Variants in SGMS1 observed in about 807,000 individuals in gnomAD.
SGMS1 encodes the protein sphingomyelin synthase 1, also known as phosphatidylcholine:ceramide cholinephosphotransferase 1.
In SGMS1, 13 loss-of-function variants were observed where a neutral mutation model predicts 46.2. That is an observed-to-expected ratio of 0.28 (90% CI 0.18 to 0.45). The LOEUF is 0.45. Ranked by LOEUF, SGMS1 falls within the 20% of genes least tolerant of loss-of-function variation. The pLI is 1.00. For missense variants in SGMS1, 324 were observed against 519.9 expected (o/e 0.62, Z 3.66); for synonymous variants, 203 against 187.8 (o/e 1.08, Z -0.66).
chr10:50,558,907 C>T (rs1030011368), intron 2 of SGMS1, among the ~76,000 whole-genome samples: 3 of 151,930 alleles, frequency 2.0e-5, no homozygotes, highest in Admixed American at 1.3e-4. Flanking sequence ...TTACATTTTC[C>T]GTAAGGTTTC....
intron 6 of SGMS1, among the ~76,000 whole-genome samples, chr10:50,414,310 G>A (rs1849138984): frequency 6.6e-6 from 1 of 152,218 alleles, no homozygotes; most frequent in African/African-American, 2.4e-5. Flanking sequence ...AGGCTGAGGT[G>A]GGAAGACTGC....
chr10:50,465,677 G>C (rs1027887251), intron 4 of SGMS1, among the ~76,000 whole-genome samples: 3 of 152,018 alleles, frequency 2.0e-5, no homozygotes, highest in Admixed American at 1.3e-4. Flanking sequence ...CCAACTAACA[G>C]ACTAAGAAAA....
intron 2 of SGMS1, among the ~76,000 whole-genome samples, chr10:50,524,412 G>C (rs527998962): frequency 1.4e-4 from 22 of 152,264 alleles, no homozygotes; most frequent in African/African-American, 5.3e-4. Context: ...TCCATCACTA[G>C]TGAAAAACTT....
intron 2 of SGMS1, among the ~76,000 whole-genome samples, chr10:50,532,918 C>T: frequency 6.6e-6 from 1 of 152,170 alleles, no homozygotes; most frequent in East Asian, 1.9e-4. Context: ...AGTGCAGTTA[C>T]TCGGTACCAA....
intron 1 of SGMS1, among the ~76,000 whole-genome samples, chr10:50,602,636 G>A (rs1490369461): frequency 6.6e-6 from 1 of 152,132 alleles, no homozygotes; most frequent in African/African-American, 2.4e-5. Flanking sequence ...CTGAAAATGT[G>A]ATGTTTATTT....
At chr10:50,576,707 T>C (rs1838388138) in intron 2 of SGMS1, among the ~76,000 whole-genome samples, 1 of 79,404 alleles carries the variant, frequency 1.3e-5, no homozygotes, top group African/African-American at 5.1e-5. Context: ...AAATCATCTA[T>C]GTCATAAGTG....
intron 9 of SGMS1, 36 bp downstream of exon 9, chr10:50,311,226 G>C: frequency 6.3e-7 from 1 of 1,594,466 alleles, no homozygotes; most frequent in Non-Finnish European, 8.6e-7. Context: ...AGAAATGGCA[G>C]GTGAGGAAAT....
intron 3 of SGMS1, among the ~76,000 whole-genome samples, chr10:50,482,300 CA>C (rs1385185157): frequency 6.6e-6 from 1 of 152,072 alleles, no homozygotes; most frequent in Non-Finnish European, 1.5e-5. Context: ...AAAGGGAAGC[CA>C]ATCAGACTAA....
At chr10:50,331,056 T>G (rs1029486042) in intron 7 of SGMS1, among the ~76,000 whole-genome samples, 2 of 152,188 alleles carry the variant, frequency 1.3e-5, no homozygotes, top group Non-Finnish European at 2.9e-5. Context: ...GAAATAGCAC[T>G]AAGAATGGGC....
chr10:50,311,745 T>C (rs1393447116), intron 8 of SGMS1, among the ~76,000 whole-genome samples: 1 of 152,230 alleles, frequency 6.6e-6, no homozygotes, highest in East Asian at 1.9e-4. Context: ...ATTGCTTTAG[T>C]ATAACTATCA....
rs10646459 is a variant in SGMS1, at chr10:50,380,378, C to CAAA, written c.-231-36036_-231-36034dup. 1.3e-3 allele frequency among the ~76,000 whole-genome samples: 161 copies of CAAA among 121,504 alleles called. 5 individuals are homozygous for CAAA. The highest frequency in any genetic ancestry group is 7.6e-3 in the South Asian group (27 of 3,544). The allele number at this position is 121,504 out of a possible 152,430, so 79.7% of individuals were successfully genotyped here. ...TGGGCAACACAGTAAGACTCTGTAT[C>CAAA]AAAAAAAAAAAAAAAAATTCCTCTC... On this transcript the variant is annotated intron_variant, in intron 6 of 10. Transcript: ENST00000361781.
chr10:50,487,888 T>C (rs1352595755), intron 3 of SGMS1, among the ~76,000 whole-genome samples: 1 of 152,122 alleles, frequency 6.6e-6, no homozygotes. Context: ...ATACCCATAC[T>C]ATTTTACAAG....
chr10:50,503,612 G>A (rs958606878), intron 3 of SGMS1, among the ~76,000 whole-genome samples: 6 of 152,134 alleles, frequency 3.9e-5, no homozygotes, highest in South Asian at 2.1e-4. Flanking sequence ...CTCTCTTTTC[G>A]GACTCAGCCC....
Position 50,539,512 on chromosome 10 carries a change from T to A in SGMS1, c.-588-19591A>T, listed in dbSNP as rs7893884. On this transcript the variant is annotated intron_variant, in intron 2 of 10. Coordinates refer to ENST00000361781, the MANE Select transcript of SGMS1 (RefSeq NM_147156.4). ...AATTTATTAATGACACAGTATACAC[T>A]AAGTATTATATGGGACCTGATTCTC... 3.0e-3 allele frequency among the ~76,000 whole-genome samples: 454 copies of A among 152,230 alleles called. 2 individuals are homozygous for A. The highest frequency in any genetic ancestry group is 5.8e-3 in the Non-Finnish European group (396 of 68,020).
In SGMS1 at chr10:50,414,299, C is replaced by T. The variant is rs189801559; in HGVS notation, c.-232+19177G>A. ...CACACCTGTAGTCTCAGCTACTCAG[C>T]AGGCTGAGGTGGGAAGACTGCTTGA... On this transcript the variant is annotated intron_variant, in intron 6 of 10. Transcript: ENST00000361781. 7.9e-5 allele frequency among the ~76,000 whole-genome samples: 12 copies of T among 152,296 alleles called. No individual in the cohort carries two copies. The East Asian group carries it at 2.1e-3, about 27-fold the overall frequency.
intron 5 of SGMS1, among the ~76,000 whole-genome samples, chr10:50,445,235 G>A (rs2133646048): frequency 6.6e-6 from 1 of 152,274 alleles, no homozygotes; most frequent in South Asian, 2.1e-4. Flanking sequence ...GAGTACATTA[G>A]AGCATCTCAT....
At chr10:50,321,374 T>C (rs1241462251) in intron 8 of SGMS1, among the ~76,000 whole-genome samples, 3 of 152,222 alleles carry the variant, frequency 2.0e-5, no homozygotes, top group South Asian at 4.1e-4. Context: ...TTAAAGAATG[T>C]ATGGTTTATT....
chr10:50,407,658 T>C (rs1256288472), intron 6 of SGMS1, among the ~76,000 whole-genome samples: 1 of 152,124 alleles, frequency 6.6e-6, no homozygotes, highest in East Asian at 1.9e-4. Context: ...TTCCCCCTGC[T>C]AAGCTCTGAC....
intron 2 of SGMS1, among the ~76,000 whole-genome samples, chr10:50,567,139 G>A (rs757883242): frequency 1.3e-5 from 2 of 152,142 alleles, no homozygotes; most frequent in Admixed American, 1.3e-4. Flanking sequence ...TAGAGACGGG[G>A]TTTCACCATG....
Sources: gnomAD v4.1 joint callset for allele counts (sites outside exome capture counted in the v4.1 genomes callset) on GRCh38, gnomAD v4.1.1 for gene constraint, MANE v1.5 for transcripts, NCBI Gene and HGNC (gene_info 2026-07-23, HGNC 2026-07-21) for gene names.